Variants in FGFR2 observed in about 807,000 individuals in gnomAD.
The protein encoded by FGFR2 is BEK fibroblast growth factor receptor.
A neutral mutation model predicts 95.9 loss-of-function variants in FGFR2; 19 were observed. That is an observed-to-expected ratio of 0.20 (90% CI 0.14 to 0.29). FGFR2 has a LOEUF of 0.29. Among genes scored for constraint, FGFR2 ranks in the 10% least tolerant of loss-of-function variants. The probability of loss-of-function intolerance (pLI) is 1.00; values close to 1 mark genes in which losing one functional copy is unlikely to be tolerated. For missense variants in FGFR2, 707 were observed against 1,056.9 expected (o/e 0.67, Z 4.59); for synonymous variants, 392 against 393.3 (o/e 1.00, Z 0.04).
At chr10:121,539,013 G>A (rs182500972) in intron 5 of FGFR2, among the ~76,000 whole-genome samples, 8 of 152,338 alleles carry the variant, frequency 5.3e-5, no homozygotes, top group Admixed American at 4.6e-4. Flanking sequence ...AGGCCAACTG[G>A]CCAGGGAGCC....
intron 2 of FGFR2, among the ~76,000 whole-genome samples, chr10:121,573,280 A>C (rs953568301): frequency 6.6e-6 from 1 of 152,214 alleles, no homozygotes; most frequent in Non-Finnish European, 1.5e-5. Flanking sequence ...GGAAGAAAAA[A>C]GCAGTTTCTA....
intron 9 of FGFR2, among the ~76,000 whole-genome samples, chr10:121,512,598 T>C (rs543910940): frequency 6.6e-6 from 1 of 152,270 alleles, no homozygotes; most frequent in East Asian, 1.9e-4. Context: ...TCTCGCTGTG[T>C]TGGTCAGGCT....
intron 17 of FGFR2, among the ~76,000 whole-genome samples, chr10:121,483,075 G>A (rs2912797): frequency 0.17 from 25,109 of 152,132 alleles, 2,371 homozygotes; most frequent in African/African-American, 0.22. Flanking sequence ...GGGATTACAG[G>A]CGAGAGCATA....
chr10:121,518,897 C>A lies in FGFR2; in HGVS notation c.939+1082G>T, dbSNP rs1033669076. The A allele has an allele frequency of 6.3e-7, 1 of 1,585,482 alleles. No individual in the cohort carries two copies. The highest frequency in any genetic ancestry group is 8.7e-7 in the Non-Finnish European group (1 of 1,154,880). ...GGTCTTAGCATTGTCTATGGTCCCA[C>A]CACCAACACACCGCAAGAAAACAAA... On this transcript the variant is annotated intron_variant, in intron 7 of 17. Transcript: ENST00000358487. The surrounding 1 kb of genome is among the most constrained non-coding windows in gnomAD (Gnocchi z 4.0).
At chr10:121,482,222 G>GT (rs1844851822) in intron 17 of FGFR2, 1 of 1,594,504 alleles carries the variant, frequency 6.3e-7, no homozygotes, top group South Asian at 1.1e-5. Flanking sequence ...CAAGTCTACA[G>GT]TTAAAGGAAC....
At chr10:121,512,868 TTCTC>T (rs533725549) in intron 9 of FGFR2, among the ~76,000 whole-genome samples, 1 of 152,132 alleles carries the variant, frequency 6.6e-6, no homozygotes, top group Non-Finnish European at 1.5e-5. Context: ...TTAGGCTGAA[TTCTC>T]TCTCTTTTTT....
chr10:121,551,485 G>A (rs766456572), intron 4 of FGFR2, 26 bp from the exon 5 acceptor site: 1 of 1,606,008 alleles, frequency 6.2e-7, no homozygotes, highest in Non-Finnish European at 8.5e-7. Context: ...GTATTAGAAT[G>A]TATACTGATG....
At chr10:121,482,315 G>A (rs1469666756) in intron 17 of FGFR2, 10 of 691,254 alleles carry the variant, frequency 1.4e-5, no homozygotes, top group Admixed American at 1.4e-4. Flanking sequence ...TTCAACTTCT[G>A]AAGGTCAGCT....
At chr10:121,588,410 T>TA (rs11342368) in intron 2 of FGFR2, among the ~76,000 whole-genome samples, 1 of 150,348 alleles carries the variant, frequency 6.7e-6, no homozygotes, top group African/African-American at 2.4e-5. Context: ...AAGCTAAATT[T>TA]AAAAAAAAAA....
rs913837200 is a variant in FGFR2, at chr10:121,531,764, C to A, written c.748+6828G>T. 6.6e-5 allele frequency among the ~76,000 whole-genome samples: 10 copies of A among 152,124 alleles called. No homozygotes were observed. Among genetic ancestry groups the A allele is most frequent in the Admixed American group, 2.0e-4 (3 of 15,274 alleles). On this transcript the variant is annotated intron_variant, in intron 6 of 17. Coordinates refer to ENST00000358487, the MANE Select transcript of FGFR2 (RefSeq NM_000141.5). The surrounding 1 kb of genome is among the most constrained non-coding windows in gnomAD (Gnocchi z 4.5). ...AAACAGAACTTGACACCCCTCTCCA[C>A]GTAATTTCCACCTGAACCTCCAGAG... is the stretch of plus-strand genomic sequence containing the variant.
At chr10:121,570,020 G>A (rs1314890347) in intron 2 of FGFR2, among the ~76,000 whole-genome samples, 3 of 152,312 alleles carry the variant, frequency 2.0e-5, no homozygotes, top group African/African-American at 7.2e-5. Context: ...GGGGCCATAC[G>A]CTGGGGAGGG....
In FGFR2 at chr10:121,480,175, A is replaced by T; in HGVS notation, c.2302-154T>A. ...CAAACTCTTGAGATGTGGGTATTGG[A>T]CGTGGGACAGGACAGGAGACCCCTA... On this transcript the variant is annotated intron_variant, in intron 17 of 17. Coordinates refer to ENST00000358487, the MANE Select transcript of FGFR2 (RefSeq NM_000141.5). 6.7e-6 allele frequency: 6 copies of T among 891,388 alleles called. No homozygotes were observed. In the South Asian group the frequency reaches 7.9e-5, roughly 12 times the overall value. The allele number at this position is 891,388 out of a possible 1,614,324, so 55.2% of individuals were successfully genotyped here.
intron 6 of FGFR2, among the ~76,000 whole-genome samples, chr10:121,524,670 T>C (rs1851087005): frequency 6.6e-6 from 1 of 152,168 alleles, no homozygotes; most frequent in Non-Finnish European, 1.5e-5. Context: ...CTGGACTCCT[T>C]TCCTAACTTC....
chr10:121,532,145 G>C (rs1852161542), intron 6 of FGFR2, among the ~76,000 whole-genome samples: 1 of 152,188 alleles, frequency 6.6e-6, no homozygotes, highest in Admixed American at 6.5e-5. Flanking sequence ...GCAAAGTCAG[G>C]AGTATGGAAA....
Position 121,562,283 on chromosome 10 carries a change from TG to T in FGFR2, c.454+2218del, listed in dbSNP as rs1023887186. On this transcript the variant is annotated intron_variant, in intron 4 of 17. Transcript: ENST00000358487. ...GTCAAAACTTGGAAGCAACAGAGTT[TG>T]TTTTTTTTTTTTTTGAGATGGAGTC... Among the ~76,000 whole-genome samples, 8 of 151,926 alleles carry T rather than the reference TG, an allele frequency of 5.3e-5. No individual in the cohort carries two copies. In the East Asian group the frequency reaches 1.5e-3, roughly 29 times the overall value.
At chr10:121,527,014 A>G in intron 6 of FGFR2, 1 of 358,434 alleles carries the variant, frequency 2.8e-6, no homozygotes, top group Non-Finnish European at 5.0e-6. Flanking sequence ...CTAAAGTCAC[A>G]AAGTGACTTA....
At chr10:121,534,420 A>G (rs1201550375) in intron 6 of FGFR2, among the ~76,000 whole-genome samples, 1 of 143,558 alleles carries the variant, frequency 7.0e-6, no homozygotes, top group Admixed American at 7.0e-5. Flanking sequence ...TTTGAGATGG[A>G]GTTTCACTCT....
intron 17 of FGFR2, among the ~76,000 whole-genome samples, chr10:121,482,628 A>G (rs1489337823): frequency 3.3e-5 from 5 of 152,164 alleles, no homozygotes; most frequent in Admixed American, 6.5e-5. Flanking sequence ...CAATTTCTCT[A>G]TCTTAAGATT....
At chr10:121,492,490 G>A (rs1846271044) in intron 13 of FGFR2, among the ~76,000 whole-genome samples, 1 of 152,074 alleles carries the variant, frequency 6.6e-6, no homozygotes, top group Non-Finnish European at 1.5e-5. Context: ...GCCCAGCGCT[G>A]AGCACAGATG....
Sources: allele counts gnomAD v4.1 joint callset (sites outside exome capture counted in the v4.1 genomes callset), GRCh38; gene constraint gnomAD v4.1.1; non-coding constraint Gnocchi (gnomAD v3.1); transcripts MANE v1.5; gene names NCBI Gene and HGNC (gene_info 2026-07-23, HGNC 2026-07-21).